The following NELL1 variants were observed in gnomAD, a reference collection of about 807,000 sequenced individuals.
NELL1 encodes the protein neural EGFL like 1.
NELL1 carries 76 observed loss-of-function variants against 107.4 expected under a neutral mutation model. The ratio of observed to expected loss-of-function variants is 0.71; its 90% CI spans 0.59 to 0.86. The LOEUF is 0.86. Ranked by LOEUF, NELL1 falls within the 40% of genes least tolerant of loss-of-function variation. The pLI, the probability that NELL1 is intolerant of heterozygous loss-of-function variation, is 0.00. For missense variants in NELL1, 1,024 were observed against 1,005.5 expected (o/e 1.02, Z -0.25); for synonymous variants, 353 against 341.2 (o/e 1.03, Z -0.38).
At chr11:21,215,032 T>C (rs1857584355) in intron 13 of NELL1, among the ~76,000 whole-genome samples, 1 of 152,182 alleles carries the variant, frequency 6.6e-6, no homozygotes, top group Non-Finnish European at 1.5e-5. Context: ...GATGCTGATA[T>C]GGTTTGGCTG....
Position 20,766,098 on chromosome 11 carries a change from T to C in NELL1, c.185-17582T>C, listed in dbSNP as rs575987986. On this transcript the variant is annotated intron_variant, in intron 2 of 19. Coordinates refer to ENST00000357134, the MANE Select transcript of NELL1 (RefSeq NM_006157.5). ...CCAGGAGCTGTAAGCACAGGTAAGC[T>C]GCACCTAAGCTATTCAAGGGAGTGA... is the stretch of plus-strand genomic sequence containing the variant. Among the ~76,000 whole-genome samples, 11 of 152,310 alleles carry C rather than the reference T, an allele frequency of 7.2e-5. No individual in the cohort carries two copies. In the East Asian group the frequency reaches 1.4e-3, roughly 19 times the overall value.
rs1857878221 is a variant in NELL1, at chr11:20,826,131, T to G, written c.336-21452T>G. ...AAGTTTCCTGAGGCCTCCCCAGCCA[T>G]GCTGAACTGTGTTTCAAACCTCTTT... On this transcript the variant is annotated intron_variant, in intron 3 of 19. Transcript: ENST00000357134. Among the ~76,000 whole-genome samples the G allele has an allele frequency of 2.0e-5, 3 of 151,384 alleles. No homozygotes were observed. In the South Asian group the frequency reaches 6.2e-4, roughly 31 times the overall value.
intron 12 of NELL1, among the ~76,000 whole-genome samples, chr11:20,975,573 A>G (rs1395270087): frequency 1.5e-5 from 2 of 133,444 alleles, no homozygotes; most frequent in Non-Finnish European, 3.1e-5. Flanking sequence ...GATATAATGT[A>G]TTATATACAC....
chr11:21,235,870 AT>A (rs1272792653), intron 14 of NELL1, among the ~76,000 whole-genome samples: 1 of 151,950 alleles, frequency 6.6e-6, no homozygotes, highest in Non-Finnish European at 1.5e-5. Flanking sequence ...AAAACATACA[AT>A]TTTTTTTCTC....
chr11:20,956,173 C>A (rs1851166667), intron 11 of NELL1, among the ~76,000 whole-genome samples: 1 of 152,038 alleles, frequency 6.6e-6, no homozygotes, highest in Non-Finnish European at 1.5e-5. Flanking sequence ...GAGCTGAGAT[C>A]ACGCCACTGC....
intron 16 of NELL1, among the ~76,000 whole-genome samples, chr11:21,546,642 C>T (rs1357772052): frequency 6.6e-6 from 1 of 151,988 alleles, no homozygotes; most frequent in Non-Finnish European, 1.5e-5. Context: ...CTTTGCTCTT[C>T]CTTTGCCTTC....
chr11:21,165,485 C>T (rs571814381), intron 13 of NELL1, among the ~76,000 whole-genome samples: 1 of 152,186 alleles, frequency 6.6e-6, no homozygotes. Context: ...CTTGACTTGC[C>T]CTCAAATCTC....
intron 12 of NELL1, among the ~76,000 whole-genome samples, chr11:21,037,744 T>C (rs936070343): frequency 2.6e-5 from 4 of 152,138 alleles, no homozygotes; most frequent in African/African-American, 9.7e-5. Context: ...TCCCTCCTTT[T>C]TTTGACCCCT....
intron 14 of NELL1, among the ~76,000 whole-genome samples, chr11:21,280,608 C>A (rs1848970380): frequency 6.6e-6 from 1 of 152,054 alleles, no homozygotes; most frequent in Non-Finnish European, 1.5e-5. Flanking sequence ...CTGGGCTGAA[C>A]TTTAGTAACA....
At chr11:20,678,276 T>G (rs143821718) in intron 2 of NELL1, among the ~76,000 whole-genome samples, 88 of 152,320 alleles carry the variant, frequency 5.8e-4, no homozygotes, top group African/African-American at 2.0e-3. Context: ...CAGTGAAATA[T>G]TTCCTTGATT....
rs973307648 is a variant in NELL1, at chr11:21,560,438, C to T, written c.1980+56C>T. The T allele has an allele frequency of 6.9e-6, 10 of 1,454,384 alleles. No individual in the cohort carries two copies. The African/African-American group carries it at 1.3e-4, about 19-fold the overall frequency. The allele number at this position is 1,454,384 out of a possible 1,614,324, so 90.1% of individuals were successfully genotyped here. A position where few individuals can be genotyped will look rare whatever the true frequency, so the allele number is the denominator to read the frequency against. On this transcript the variant is annotated intron_variant, in intron 17 of 19. Transcript: ENST00000357134. ...AACTGTTCTTTCTCTTCTTCCCTCA[C>T]TTTTCTACCTCCCCAGCTCTCTCCC...
intron 13 of NELL1, among the ~76,000 whole-genome samples, chr11:21,179,724 C>T (rs562454547): frequency 1.3e-5 from 2 of 151,842 alleles, no homozygotes; most frequent in African/African-American, 4.9e-5. Context: ...AGAGAATACT[C>T]AGTGAATAGT....
chr11:20,727,976 T>C (rs1279067582), intron 2 of NELL1, among the ~76,000 whole-genome samples: 1 of 152,212 alleles, frequency 6.6e-6, no homozygotes, highest in African/African-American at 2.4e-5. Flanking sequence ...TGTTGTTTTT[T>C]GGCTGTTTAA....
intron 15 of NELL1, among the ~76,000 whole-genome samples, chr11:21,484,069 A>G (rs1247855769): frequency 1.4e-5 from 2 of 142,634 alleles, no homozygotes; most frequent in Non-Finnish European, 3.0e-5. Context: ...TATCCTAAGT[A>G]TTTAGCCAGC....
At chr11:20,843,130 C>A (rs974731269) in intron 3 of NELL1, among the ~76,000 whole-genome samples, 3 of 152,018 alleles carry the variant, frequency 2.0e-5, no homozygotes, top group Admixed American at 6.6e-5. Context: ...GTGGCTTATT[C>A]CTTTTATAGA....
chr11:21,494,874 A>G (rs1854936413), intron 15 of NELL1, among the ~76,000 whole-genome samples: 1 of 152,040 alleles, frequency 6.6e-6, no homozygotes, highest in African/African-American at 2.4e-5. Context: ...CCCATCATAC[A>G]TCAATATTTA....
chr11:21,558,827 T>G (rs1472267076), intron 16 of NELL1, among the ~76,000 whole-genome samples: 1 of 152,042 alleles, frequency 6.6e-6, no homozygotes, highest in Admixed American at 6.6e-5. Context: ...AAAACTCCTT[T>G]TAGTTGAGAA....
Position 21,232,171 on chromosome 11 carries a change from TATATATAA to T in NELL1, c.1549+2720_1549+2727del, listed in dbSNP as rs1284031077. ...ATAAAAAAAAAAAAATATATATATA[TATATATAA>T]ATTAGCTGGGCGTGGTGGTGTCCAC... On this transcript the variant is annotated intron_variant, in intron 14 of 19. Coordinates refer to ENST00000357134, the MANE Select transcript of NELL1 (RefSeq NM_006157.5). Among the ~76,000 whole-genome samples the T allele has an allele frequency of 1.7e-4, 17 of 102,672 alleles. 2 individuals are homozygous for T. Among genetic ancestry groups the T allele is most frequent in the Admixed American group, 4.2e-4 (4 of 9,464 alleles). 67.4% of individuals were successfully genotyped at this position (102,672 alleles called of 152,430 possible). A position where few individuals can be genotyped will look rare whatever the true frequency, so the allele number is the denominator to read the frequency against.
At chr11:21,495,181 A>G (rs571251970) in intron 15 of NELL1, among the ~76,000 whole-genome samples, 1 of 152,234 alleles carries the variant, frequency 6.6e-6, no homozygotes, top group African/African-American at 2.4e-5. Context: ...TCCCCTAACC[A>G]CAAGCAACAC....
Sources: gnomAD v4.1 joint callset for allele counts (sites outside exome capture counted in the v4.1 genomes callset) on GRCh38, gnomAD v4.1.1 for gene constraint, MANE v1.5 for transcripts, NCBI Gene and HGNC (gene_info 2026-07-23, HGNC 2026-07-21) for gene names.